Variants in CRY1 observed in about 807,000 individuals in gnomAD.
CRY1 encodes cryptochrome circadian regulator 1, also known as cryptochrome-1.
CRY1 carries 45 observed loss-of-function variants against 76.0 expected under a neutral mutation model. That is an observed-to-expected ratio of 0.59 (90% CI 0.47 to 0.76). The LOEUF (loss-of-function observed/expected upper bound fraction) is 0.76. Among genes scored for constraint, CRY1 ranks in the 30% least tolerant of loss-of-function variants. CRY1 has a pLI of 0.00. For synonymous variants in CRY1, 248 were observed against 244.0 expected (o/e 1.02, Z -0.15); for missense variants, 587 against 716.4 (o/e 0.82, Z 2.06).
intron 2 of CRY1, among the ~76,000 whole-genome samples, chr12:107,006,789 T>C (rs1952381565): frequency 6.6e-6 from 1 of 151,954 alleles, no homozygotes; most frequent in South Asian, 2.1e-4. Flanking sequence ...GTAGCTGGGA[T>C]TAAAGGCACA....
intron 1 of CRY1, among the ~76,000 whole-genome samples, chr12:107,030,420 T>G (rs1400545145): frequency 6.6e-6 from 1 of 152,216 alleles, no homozygotes; most frequent in East Asian, 1.9e-4. Context: ...TAATGTGACT[T>G]TTCTACAGAA....
chr12:107,066,841 G>C (rs1953117942), intron 1 of CRY1, among the ~76,000 whole-genome samples: 1 of 152,084 alleles, frequency 6.6e-6, no homozygotes, highest in African/African-American at 2.4e-5. Flanking sequence ...TGTTGCCCAG[G>C]CTGGAGTACA....
chr12:107,052,896 C>T (rs1018275143), intron 1 of CRY1, among the ~76,000 whole-genome samples: 1 of 152,204 alleles, frequency 6.6e-6, no homozygotes, highest in Non-Finnish European at 1.5e-5. Context: ...CTGCCTTTTA[C>T]TCTGAGATAT....
chr12:107,086,748 A>G (rs1173228482), intron 1 of CRY1, among the ~76,000 whole-genome samples: 2 of 152,216 alleles, frequency 1.3e-5, no homozygotes, highest in Non-Finnish European at 2.9e-5. Flanking sequence ...ATTTCACAAG[A>G]TATGTCAAGA....
chr12:107,080,764 A>G (rs1953312862), intron 1 of CRY1, among the ~76,000 whole-genome samples: 1 of 152,116 alleles, frequency 6.6e-6, no homozygotes, highest in African/African-American at 2.4e-5. Flanking sequence ...GACATGCCTT[A>G]GTTTGGATTG....
At chr12:107,092,212 TAGA>T (rs1356977584) in intron 1 of CRY1, among the ~76,000 whole-genome samples, 1 of 152,180 alleles carries the variant, frequency 6.6e-6, no homozygotes, top group Non-Finnish European at 1.5e-5. Context: ...CTCTGATCCC[TAGA>T]AGGACTACAA....
At chr12:107,045,606 T>C (rs927688430) in intron 1 of CRY1, among the ~76,000 whole-genome samples, 11 of 152,346 alleles carry the variant, frequency 7.2e-5, no homozygotes, top group African/African-American at 2.6e-4. Context: ...TAGGTTTTCT[T>C]CTAGGGTTTT....
intron 1 of CRY1, 124 bp downstream of exon 1, chr12:107,092,680 T>C (rs892749748): frequency 1.1e-5 from 16 of 1,405,728 alleles, no homozygotes; most frequent in Non-Finnish European, 1.5e-5. Context: ...GCACCTAAAA[T>C]TCGTAAGCGG....
At chr12:106,993,187 C>A (rs1952198900) in intron 10 of CRY1, 151 bp from the exon 11 acceptor site, 1 of 744,954 alleles carries the variant, frequency 1.3e-6, no homozygotes, top group Non-Finnish European at 2.1e-6. Flanking sequence ...AACCAAAAAT[C>A]ACATGCTCAA....
chr12:107,040,375 C>A (rs1952784882), intron 1 of CRY1, among the ~76,000 whole-genome samples: 1 of 148,446 alleles, frequency 6.7e-6, no homozygotes, highest in Admixed American at 6.9e-5. Context: ...CAACCTCTGC[C>A]TCCTGGTTCA....
intron 3 of CRY1, among the ~76,000 whole-genome samples, chr12:107,004,053 C>T (rs1230896662): frequency 3.9e-5 from 6 of 152,246 alleles, no homozygotes; most frequent in African/African-American, 1.4e-4. Flanking sequence ...GATCCATCTG[C>T]CTCGGCCTCC....
chr12:106,995,885 C>A (rs544180443), intron 10 of CRY1, among the ~76,000 whole-genome samples: 1 of 152,248 alleles, frequency 6.6e-6, no homozygotes, highest in East Asian at 1.9e-4. Context: ...CTCTTGTTAT[C>A]CAGGCTGGAG....
At chr12:107,073,071 T>C (rs1019124541) in intron 1 of CRY1, 1 of 134,572 alleles carries the variant, frequency 7.4e-6, no homozygotes, top group South Asian at 2.5e-4. Context: ...GGAACAAAGA[T>C]TTATATGTGT....
At position 107,082,845 on chromosome 12, in the gene CRY1, G is replaced by A. The variant is rs190230586; in HGVS notation, c.158+9959C>T. 4.9e-4 allele frequency among the ~76,000 whole-genome samples: 74 copies of A among 151,834 alleles called. No homozygotes were observed. In the East Asian group the frequency reaches 8.3e-3, roughly 17 times the overall value. On this transcript the variant is annotated intron_variant, in intron 1 of 12. Transcript: ENST00000008527. ...CAGAAGACAAGAAATAACTAAGATC[G>A]GAGCAAAACTGAAGGAGACAGAGAC...
chr12:107,049,259 C>T (rs772032524), intron 1 of CRY1, among the ~76,000 whole-genome samples: 3 of 152,160 alleles, frequency 2.0e-5, no homozygotes, highest in Admixed American at 6.5e-5. Flanking sequence ...CTCTCAGTCA[C>T]CATTGTAATT....
intron 3 of CRY1, among the ~76,000 whole-genome samples, chr12:107,002,548 CTTAT>C (rs1418542257): frequency 2.0e-4 from 31 of 152,310 alleles, no homozygotes; most frequent in Admixed American, 3.3e-4. Context: ...CTAAAATCTA[CTTAT>C]TTGATTAAAA....
intron 3 of CRY1, among the ~76,000 whole-genome samples, chr12:107,002,698 A>T (rs552383058): frequency 4.6e-5 from 7 of 152,194 alleles, no homozygotes; most frequent in Non-Finnish European, 1.0e-4. Context: ...TGCCCCCACC[A>T]AAATCTCATC....
chr12:106,997,355 A>G lies in CRY1; in HGVS notation c.1524T>C (p.Asn508=), dbSNP rs747435503. Reference sequence around the variant, plus strand: ...AATATCCCATGAAGCCTCCATTCCCATTAGGATTAGAAGGTACTGATGCCA... The same window carrying G: ...AATATCCCATGAAGCCTCCATTCCCGTTAGGATTAGAAGGTACTGATGCCA... The part of the protein sequence containing the change: ...GLLASVPSNP[N]GNGGFMGYSA... The change falls in exon 10 of 13, where the codon AAT becomes AAC. Residue 508 remains asparagine, a synonymous_variant. Coordinates refer to ENST00000008527, the MANE Select transcript of CRY1 (RefSeq NM_004075.5). 1.5e-5 allele frequency: 24 copies of G among 1,613,908 alleles called. No individual in the cohort carries two copies. Among genetic ancestry groups the G allele is most frequent in the Non-Finnish European group, 1.9e-5 (23 of 1,179,958 alleles).
At chr12:107,079,438 C>T (rs188131751) in intron 1 of CRY1, among the ~76,000 whole-genome samples, 1 of 152,228 alleles carries the variant, frequency 6.6e-6, no homozygotes, top group Admixed American at 6.5e-5. Context: ...TCTTCTGAGT[C>T]CTGGTATCAA....
Sources: gnomAD v4.1 joint callset for allele counts (sites outside exome capture counted in the v4.1 genomes callset) on GRCh38, gnomAD v4.1.1 for gene constraint, MANE v1.5 for transcripts, NCBI Gene and HGNC (gene_info 2026-07-23, HGNC 2026-07-21) for gene names.